The following LOXL2 variants were observed in gnomAD, a reference collection of about 807,000 sequenced individuals.
LOXL2 encodes lysyl oxidase homolog 2.
A neutral mutation model predicts 93.0 loss-of-function variants in LOXL2; 70 were observed. The observed-to-expected ratio is 0.75, with a 90% CI of 0.62 to 0.92. LOXL2 has a LOEUF of 0.92. LOXL2 is among the 40% of genes least tolerant of loss of function. LOXL2 has a pLI of 0.00. For missense variants in LOXL2, 973 were observed against 1,054.9 expected (o/e 0.92, Z 1.08); for synonymous variants, 438 against 413.2 (o/e 1.06, Z -0.73).
intron 10 of LOXL2, among the ~76,000 whole-genome samples, chr8:23,305,040 G>A (rs1482581523): frequency 6.6e-6 from 1 of 152,186 alleles, no homozygotes; most frequent in African/African-American, 2.4e-5. Flanking sequence ...GTTCCACTGA[G>A]AACATTCACA....
intron 10 of LOXL2, among the ~76,000 whole-genome samples, chr8:23,303,801 TAA>T (rs1803181546): frequency 6.6e-6 from 1 of 152,232 alleles, no homozygotes; most frequent in Non-Finnish European, 1.5e-5. Flanking sequence ...TCAGGGTAAT[TAA>T]AAAACTCCGC....
chr8:23,379,943 G>C (rs1376850742), intron 1 of LOXL2, among the ~76,000 whole-genome samples: 1 of 151,532 alleles, frequency 6.6e-6, no homozygotes, highest in African/African-American at 2.4e-5. Context: ...TGCACCCACT[G>C]TCCTGACCCC....
chr8:23,351,134 G>A (rs1035941010), intron 3 of LOXL2, among the ~76,000 whole-genome samples: 1 of 152,204 alleles, frequency 6.6e-6, no homozygotes, highest in East Asian at 1.9e-4. Context: ...GTCTAGTGTA[G>A]GGTCTGGTGC....
intron 2 of LOXL2, chr8:23,363,194 T>C (rs927326011): frequency 5.9e-5 from 9 of 152,104 alleles, no homozygotes; most frequent in Non-Finnish European, 8.8e-5. Flanking sequence ...AACATTCCCA[T>C]TGGAGAGATT....
chr8:23,330,160 C>T (rs917337599), intron 5 of LOXL2, among the ~76,000 whole-genome samples: 3 of 152,036 alleles, frequency 2.0e-5, no homozygotes. Flanking sequence ...CCCGTCTCTA[C>T]TAAAAAACAA....
intron 3 of LOXL2, among the ~76,000 whole-genome samples, chr8:23,346,752 G>T (rs984619076): frequency 5.9e-5 from 9 of 152,320 alleles, no homozygotes; most frequent in Non-Finnish European, 1.2e-4. Flanking sequence ...CAGGCACGTT[G>T]TCTTAGCTCA....
rs1432646524 is a variant in LOXL2, at chr8:23,299,506, C to T, written c.2134-559G>A. Among the ~76,000 whole-genome samples, 6 of 152,188 alleles carry T rather than the reference C, an allele frequency of 3.9e-5. No homozygotes were observed. In the South Asian group the frequency reaches 1.0e-3, roughly 26 times the overall value. ...CTGGGGCTGCTGGAGAAGTTGCACC[C>T]TCTCCCCATCCTTCCACCCACCCCT... is the stretch of plus-strand genomic sequence containing the variant. On this transcript the variant is annotated intron_variant, in intron 12 of 13. Transcript: ENST00000389131.
intron 1 of LOXL2, among the ~76,000 whole-genome samples, chr8:23,372,911 A>T (rs1039032666): frequency 5.3e-5 from 8 of 152,184 alleles, no homozygotes; most frequent in African/African-American, 1.9e-4. Context: ...GTTTCTATAA[A>T]CTGTACTCAG....
chr8:23,403,304 G>A (rs1349904028), intron 1 of LOXL2, among the ~76,000 whole-genome samples: 1 of 152,182 alleles, frequency 6.6e-6, no homozygotes, highest in Non-Finnish European at 1.5e-5. Context: ...CCCCGGAGAG[G>A]CAGGGCGACT....
chr8:23,324,223 TTC>T (rs979047006), intron 6 of LOXL2, among the ~76,000 whole-genome samples: 81 of 152,310 alleles, frequency 5.3e-4, no homozygotes, highest in African/African-American at 1.9e-3. Flanking sequence ...CTGGCTGAAC[TTC>T]TGTGTAAACT....
chr8:23,329,820 A>G (rs1393850831), intron 5 of LOXL2, among the ~76,000 whole-genome samples: 2 of 152,152 alleles, frequency 1.3e-5, no homozygotes, highest in African/African-American at 4.8e-5. Context: ...TCAAGCATTC[A>G]TGTCCACCAG....
chr8:23,366,626 T>TG (rs1401415149), intron 2 of LOXL2, among the ~76,000 whole-genome samples: 1 of 152,198 alleles, frequency 6.6e-6, no homozygotes, highest in African/African-American at 2.4e-5. Context: ...TAAGCTCCCT[T>TG]GGGCGATTCT....
intron 3 of LOXL2, among the ~76,000 whole-genome samples, chr8:23,346,753 T>C (rs1803995713): frequency 6.6e-6 from 1 of 152,222 alleles, no homozygotes; most frequent in Non-Finnish European, 1.5e-5. Flanking sequence ...AGGCACGTTG[T>C]CTTAGCTCAG....
intron 8 of LOXL2, among the ~76,000 whole-genome samples, chr8:23,318,764 A>T (rs1348287867): frequency 6.6e-6 from 1 of 152,186 alleles, no homozygotes; most frequent in Non-Finnish European, 1.5e-5. Context: ...AAACAATATT[A>T]GCAGAAACAC....
rs4602894 is a variant in LOXL2, at chr8:23,328,456, G to A, written c.1076C>T (p.Ser359Leu). 78 of 1,614,058 alleles carry A rather than the reference G, an allele frequency of 4.8e-5. No homozygotes were observed. In the Admixed American group the frequency reaches 8.2e-4, roughly 17 times the overall value. Residue 359 changes from serine (S) to leucine (L), a missense_variant, in exon 6 of 14, where the codon TCG becomes TTG. Ser to Leu is a moderately radical substitution (Grantham distance 145). Coordinates refer to ENST00000389131, the MANE Select transcript of LOXL2 (RefSeq NM_002318.3). The part of the protein sequence containing the change: ...TVCDDKWDLV[S>L]ASVVCRELGF... ...CAGCTCTCTGCAGACCACACTGGCC[G>A]ACACCAGGTCCCACTTGTCGTCGCA...
intron 3 of LOXL2, among the ~76,000 whole-genome samples, chr8:23,349,895 G>A (rs766497503): frequency 1.3e-5 from 2 of 152,060 alleles, no homozygotes; most frequent in Non-Finnish European, 2.9e-5. Context: ...AGCTTAGCTA[G>A]ACATGCTGAG....
At chr8:23,344,024 G>A (rs996078548) in intron 3 of LOXL2, among the ~76,000 whole-genome samples, 5 of 152,252 alleles carry the variant, frequency 3.3e-5, no homozygotes, top group African/African-American at 1.2e-4. Context: ...GGGCAGCAGT[G>A]CAGGCTCGCT....
chr8:23,313,379 C>T (rs2117150616), intron 9 of LOXL2, among the ~76,000 whole-genome samples: 1 of 152,234 alleles, frequency 6.6e-6, no homozygotes, highest in Middle Eastern at 3.4e-3. Context: ...AGGCATCACA[C>T]TACCTGACTT....
chr8:23,403,360 G>A (rs1017491577), intron 1 of LOXL2, among the ~76,000 whole-genome samples: 2 of 152,188 alleles, frequency 1.3e-5, no homozygotes, highest in African/African-American at 4.8e-5. Flanking sequence ...GCTCCCGCAG[G>A]ACTCACGGCG....
Sources: gnomAD v4.1 joint callset for allele counts (sites outside exome capture counted in the v4.1 genomes callset) on GRCh38, gnomAD v4.1.1 for gene constraint, MANE v1.5 for transcripts, NCBI Gene and HGNC (gene_info 2026-07-23, HGNC 2026-07-21) for gene names.